KCTD8: variants seen among roughly 807,000 people sequenced by gnomAD.
The protein encoded by KCTD8 is potassium channel tetramerization domain containing 8.
In KCTD8, 27 loss-of-function variants were observed where a neutral mutation model predicts 31.5. The ratio of observed to expected loss-of-function variants is 0.86; its 90% confidence interval spans 0.63 to 1.18. The LOEUF is 1.18. Ranked by LOEUF, KCTD8 falls within the 50% of genes most tolerant of loss-of-function variation. The pLI is 0.00. For missense variants in KCTD8, 658 were observed against 647.7 expected (o/e 1.02, Z -0.17); for synonymous variants, 290 against 280.0 (o/e 1.04, Z -0.36).
At chr4:44,290,972 T>C (rs759376248) in intron 1 of KCTD8, among the ~76,000 whole-genome samples, 15 of 152,038 alleles carry the variant, frequency 9.9e-5, no homozygotes, top group South Asian at 2.1e-4. Flanking sequence ...CAGAGAAGAA[T>C]TGAATGATAT....
At chr4:44,181,868 T>C (rs1260692320) in intron 1 of KCTD8, among the ~76,000 whole-genome samples, 1 of 151,496 alleles carries the variant, frequency 6.6e-6, no homozygotes, top group African/African-American at 2.4e-5. Flanking sequence ...CGCGACCCCG[T>C]CTGGGATGTG....
intron 1 of KCTD8, among the ~76,000 whole-genome samples, chr4:44,181,760 AG>A (rs1713414878): frequency 6.8e-6 from 1 of 146,930 alleles, no homozygotes; most frequent in Non-Finnish European, 1.5e-5. Context: ...CTGGGAAGTG[AG>A]GAGAGCCTCT....
intron 1 of KCTD8, among the ~76,000 whole-genome samples, chr4:44,365,891 T>C (rs1662289517): frequency 6.6e-6 from 1 of 152,194 alleles, no homozygotes; most frequent in Admixed American, 6.5e-5. Context: ...AGGAAACTAT[T>C]ACATAAATTA....
chr4:44,358,522 G>C (rs1719405302), intron 1 of KCTD8, among the ~76,000 whole-genome samples: 2 of 151,746 alleles, frequency 1.3e-5, no homozygotes, highest in African/African-American at 4.8e-5. Flanking sequence ...CAGTGTCCAA[G>C]TGTTCCTATT....
chr4:44,209,987 G>A (rs993718750), intron 1 of KCTD8, among the ~76,000 whole-genome samples: 3 of 152,164 alleles, frequency 2.0e-5, no homozygotes, highest in Admixed American at 6.6e-5. Context: ...GAAAGCGGCT[G>A]TTGAGTCTTT....
chr4:44,397,343 T>G (rs1720532124), intron 1 of KCTD8, among the ~76,000 whole-genome samples: 1 of 152,190 alleles, frequency 6.6e-6, no homozygotes, highest in Non-Finnish European at 1.5e-5. Flanking sequence ...AATACTCATA[T>G]ACGTATACAT....
chr4:44,392,875 T>G (rs1246460036), intron 1 of KCTD8, among the ~76,000 whole-genome samples: 1 of 151,998 alleles, frequency 6.6e-6, no homozygotes, highest in African/African-American at 2.4e-5. Context: ...TGAAAAAACA[T>G]CTATTTTTAC....
At chr4:44,188,529 T>C (rs1467977845) in intron 1 of KCTD8, among the ~76,000 whole-genome samples, 3 of 152,160 alleles carry the variant, frequency 2.0e-5, no homozygotes, top group African/African-American at 4.8e-5. Flanking sequence ...TCCTTTGTAG[T>C]AGGCTAAAAA....
Position 44,448,388 on chromosome 4 carries a change from C to A in KCTD8, c.136G>T (p.Val46Leu). The change falls in exon 1 of 2, where the codon GTG becomes TTG. Residue 46 changes from valine to leucine, a missense_variant. Coordinates refer to ENST00000360029, the MANE Select transcript of KCTD8 (RefSeq NM_198353.3). This position sits in a 1 kb window ranked among gnomAD's most constrained non-coding sequence, Gnocchi z 4.1. ...ACCTGGCCGCCTACGTTCAGCTCCA[C>A]TACTTCAGGGAAGGGCGAGGGTGCG... ...PCAPSPFPEV[V>L]ELNVGGQVYV... 1.3e-6 allele frequency: 2 copies of A among 1,590,508 alleles called. No homozygotes were observed. Among genetic ancestry groups the A allele is most frequent in the Non-Finnish European group, 1.7e-6 (2 of 1,170,774 alleles).
At chr4:44,442,760 T>C (rs1463712336) in intron 1 of KCTD8, among the ~76,000 whole-genome samples, 1 of 75,504 alleles carries the variant, frequency 1.3e-5, no homozygotes, top group East Asian at 5.3e-4. Context: ...AGAGGCTTTT[T>C]CTTAACTAAG....
At chr4:44,435,087 T>C (rs1052586170) in intron 1 of KCTD8, among the ~76,000 whole-genome samples, 1 of 151,924 alleles carries the variant, frequency 6.6e-6, no homozygotes, top group South Asian at 2.1e-4. Flanking sequence ...TTATGAAGAG[T>C]AGAATAGCTT....
chr4:44,345,938 A>G (rs534609423), intron 1 of KCTD8, among the ~76,000 whole-genome samples: 1 of 151,654 alleles, frequency 6.6e-6, no homozygotes, highest in South Asian at 2.1e-4. Context: ...GAAACAAAAA[A>G]AAACCACATA....
intron 1 of KCTD8, among the ~76,000 whole-genome samples, chr4:44,270,180 G>T (rs550970807): frequency 6.6e-6 from 1 of 152,124 alleles, no homozygotes; most frequent in Admixed American, 6.5e-5. Context: ...AGAAAATGTG[G>T]CACATATACA....
At chr4:44,305,654 A>G (rs890881621) in intron 1 of KCTD8, among the ~76,000 whole-genome samples, 3 of 151,878 alleles carry the variant, frequency 2.0e-5, no homozygotes, top group African/African-American at 7.2e-5. Context: ...GCAGACAAAA[A>G]CAATTCAATG....
intron 1 of KCTD8, among the ~76,000 whole-genome samples, chr4:44,299,536 C>T (rs1016349522): frequency 6.6e-6 from 1 of 152,078 alleles, no homozygotes; most frequent in African/African-American, 2.4e-5. Flanking sequence ...CCAGAACATC[C>T]TGGCCAACAT....
intron 1 of KCTD8, among the ~76,000 whole-genome samples, chr4:44,274,818 C>A (rs1246636771): frequency 6.6e-6 from 1 of 151,294 alleles, no homozygotes; most frequent in Non-Finnish European, 1.5e-5. Context: ...ATTGGCCAGG[C>A]AAATTGCTAT....
intron 1 of KCTD8, among the ~76,000 whole-genome samples, chr4:44,388,924 T>C (rs1720296678): frequency 6.6e-6 from 1 of 151,710 alleles, no homozygotes; most frequent in South Asian, 2.1e-4. Context: ...ATATATACAA[T>C]GGAGTATTAT....
At chr4:44,364,237 GA>G (rs2109432120) in intron 1 of KCTD8, among the ~76,000 whole-genome samples, 1 of 151,840 alleles carries the variant, frequency 6.6e-6, no homozygotes, top group African/African-American at 2.4e-5. Flanking sequence ...ACAACAGTAG[GA>G]AAAGAAAAAA....
intron 1 of KCTD8, among the ~76,000 whole-genome samples, chr4:44,361,988 G>T (rs1719510017): frequency 6.6e-6 from 1 of 152,094 alleles, no homozygotes; most frequent in Non-Finnish European, 1.5e-5. Flanking sequence ...GTCATTTTAG[G>T]CTGTTTACAT....
Sources: gnomAD v4.1 joint callset for allele counts (sites outside exome capture counted in the v4.1 genomes callset) on GRCh38, gnomAD v4.1.1 for gene constraint, Gnocchi (gnomAD v3.1) non-coding constraint, MANE v1.5 for transcripts, NCBI Gene and HGNC (gene_info 2026-07-23, HGNC 2026-07-21) for gene names.